VPS13A: variants seen among roughly 807,000 people sequenced by gnomAD.
VPS13A encodes the protein intermembrane lipid transfer protein VPS13A.
A neutral mutation model predicts 390.9 loss-of-function variants in VPS13A; 264 were observed. That is an observed-to-expected ratio of 0.68 (90% CI 0.61 to 0.75). VPS13A has a LOEUF of 0.75. Among genes scored for constraint, VPS13A ranks in the 30% least tolerant of loss-of-function variants. The pLI is 0.00. For synonymous variants in VPS13A, 1,231 were observed against 1,227.1 expected (o/e 1.00, Z -0.07); for missense variants, 3,409 against 3,733.9 (o/e 0.91, Z 2.27).
chr9:77,223,292 T>A (rs1363677651), intron 13 of VPS13A, among the ~76,000 whole-genome samples: 2 of 152,112 alleles, frequency 1.3e-5, no homozygotes, highest in Non-Finnish European at 2.9e-5. Context: ...TTAGGCCGAT[T>A]AATAGCCCTA....
intron 12 of VPS13A, 29 bp downstream of exon 12, chr9:77,220,412 A>C: frequency 1.7e-6 from 2 of 1,162,106 alleles, no homozygotes. Flanking sequence ...TTTTTTTTTT[A>C]GATTTTAAAA....
intron 35 of VPS13A, among the ~76,000 whole-genome samples, chr9:77,310,657 A>T (rs577344408): frequency 3.7e-4 from 56 of 152,350 alleles, no homozygotes; most frequent in Admixed American, 1.4e-3. Context: ...CACATGGAAT[A>T]CTTCTTATGT....
chr9:77,380,830 C>G (rs1306251991), intron 67 of VPS13A, among the ~76,000 whole-genome samples: 1 of 152,166 alleles, frequency 6.6e-6, no homozygotes, highest in Non-Finnish European at 1.5e-5. Flanking sequence ...ACCTAGATCC[C>G]TTGCATGTGC....
chr9:77,217,896 T>G (rs1822951429), intron 10 of VPS13A, among the ~76,000 whole-genome samples: 1 of 151,934 alleles, frequency 6.6e-6, no homozygotes, highest in South Asian at 2.1e-4. Flanking sequence ...ATCCATACTG[T>G]TTTCCACAGA....
intron 31 of VPS13A, among the ~76,000 whole-genome samples, chr9:77,284,482 G>A (rs1466152948): frequency 6.6e-6 from 1 of 152,122 alleles, no homozygotes; most frequent in Admixed American, 6.5e-5. Flanking sequence ...GTGACTCATA[G>A]CAATAAGGAA....
Position 77,281,878 on chromosome 9 carries a change from T to A in VPS13A, c.2916T>A (p.Asn972Lys). Reference protein sequence around the residue: ...LTLEYVKAEKNVPDLKSTYNN... With the variant: ...LTLEYVKAEKKVPDLKSTYNN... Reference sequence around the variant, plus strand: ...TTCTCTTTGGATAGGCTGAAAAGAATGTACCCGACTTGAAAAGTACCTATA... The same window carrying A: ...TTCTCTTTGGATAGGCTGAAAAGAAAGTACCCGACTTGAAAAGTACCTATA... The change falls in exon 28 of 72, where the codon AAT becomes AAA. Residue 972 changes from asparagine (N) to lysine (K), a missense_variant. Around this residue, in one of 5 missense-constraint regions of VPS13A, gnomAD observed 2,717 missense variants for 2,917.4 expected, o/e 0.93. Transcript: ENST00000360280. The A allele has an allele frequency of 6.2e-7, 1 of 1,603,428 alleles. No homozygotes were observed. The highest frequency in any genetic ancestry group is 1.7e-4 in the Middle Eastern group (1 of 6,032).
intron 33 of VPS13A, among the ~76,000 whole-genome samples, chr9:77,297,603 A>G (rs1397749617): frequency 6.6e-6 from 1 of 151,564 alleles, no homozygotes; most frequent in Non-Finnish European, 1.5e-5. Context: ...TGTTTCAAGC[A>G]GGAGTGTTAA....
intron 35 of VPS13A, among the ~76,000 whole-genome samples, chr9:77,313,448 T>C (rs1394001603): frequency 1.3e-5 from 2 of 152,332 alleles, no homozygotes; most frequent in Non-Finnish European, 2.9e-5. Flanking sequence ...GGCATAATGG[T>C]ACTTTTCTCT....
At chr9:77,336,353 TAAAAC>T (rs1424648257) in intron 46 of VPS13A, among the ~76,000 whole-genome samples, 1 of 151,040 alleles carries the variant, frequency 6.6e-6, no homozygotes, top group Non-Finnish European at 1.5e-5. Context: ...AAAGTATAAT[TAAAAC>T]AAAAACACTA....
In VPS13A at chr9:77,344,286, G is replaced by GT. The variant is rs747383490; in HGVS notation, c.7155+14dup. On this transcript the variant is annotated splice_donor_region_variant and intron_variant, in intron 51 of 71. Coordinates refer to ENST00000360280, the MANE Select transcript of VPS13A (RefSeq NM_033305.3). ...CTATTGCGTCTAGATAACGAGGTAA[G>GT]TTTTTTTTTCTTTTTTGCATGTGTC... The GT allele has an allele frequency of 2.7e-4, 429 of 1,600,410 alleles. 2 individuals are homozygous for GT. The highest frequency in any genetic ancestry group is 1.6e-3 in the Admixed American group (93 of 59,536).
intron 45 of VPS13A, among the ~76,000 whole-genome samples, chr9:77,330,207 G>A (rs1413852065): frequency 6.6e-6 from 1 of 151,862 alleles, no homozygotes; most frequent in Non-Finnish European, 1.5e-5. Context: ...GTAGAGACAG[G>A]GTCTCACTAT....
At chr9:77,410,577 CA>C (rs2131665493) in intron 71 of VPS13A, among the ~76,000 whole-genome samples, 2 of 151,938 alleles carry the variant, frequency 1.3e-5, no homozygotes, top group African/African-American at 4.8e-5. Context: ...CACATAGGCT[CA>C]AAATAAAGGG....
At chr9:77,281,300 T>C (rs1216460451) in intron 27 of VPS13A, among the ~76,000 whole-genome samples, 1 of 146,300 alleles carries the variant, frequency 6.8e-6, no homozygotes, top group African/African-American at 2.5e-5. Context: ...TTCAAATGTC[T>C]CACCACAAAG....
intron 34 of VPS13A, among the ~76,000 whole-genome samples, chr9:77,303,491 G>A (rs965471433): frequency 1.3e-5 from 2 of 152,166 alleles, no homozygotes; most frequent in Non-Finnish European, 2.9e-5. Flanking sequence ...ACTGAGAAAA[G>A]AAATAAGACA....
chr9:77,195,099 T>C (rs1824909883), intron 1 of VPS13A, among the ~76,000 whole-genome samples: 1 of 152,172 alleles, frequency 6.6e-6, no homozygotes, highest in Non-Finnish European at 1.5e-5. Flanking sequence ...TTTATAGTTT[T>C]CAGTTTTACA....
At chr9:77,321,060 A>G (rs1467301641) in intron 42 of VPS13A, 109 bp from the exon 43 acceptor site, 1 of 1,046,862 alleles carries the variant, frequency 9.6e-7, no homozygotes, top group African/African-American at 1.6e-5. Flanking sequence ...ACTTACTGAA[A>G]TTAGAAAAGA....
chr9:77,298,432 G>A (rs1828138400), intron 33 of VPS13A, among the ~76,000 whole-genome samples: 2 of 152,156 alleles, frequency 1.3e-5, no homozygotes, highest in South Asian at 4.1e-4. Flanking sequence ...AAGAGACGAA[G>A]TAGGAGCAGA....
chr9:77,325,240 C>T (rs1303311562), intron 45 of VPS13A, among the ~76,000 whole-genome samples: 1 of 152,072 alleles, frequency 6.6e-6, no homozygotes, highest in Admixed American at 6.6e-5. Context: ...GGAGGCAGAG[C>T]TCAGGTGGTA....
chr9:77,331,461 G>A (rs1830270592), intron 45 of VPS13A, among the ~76,000 whole-genome samples: 1 of 151,706 alleles, frequency 6.6e-6, no homozygotes, highest in South Asian at 2.1e-4. Flanking sequence ...TTGATTACTA[G>A]GAATGTCAAG....
Sources: gnomAD v4.1 joint callset for allele counts (sites outside exome capture counted in the v4.1 genomes callset) on GRCh38, gnomAD v4.1.1 for gene constraint, gnomAD v4.1.1 regional missense constraint, MANE v1.5 for transcripts, NCBI Gene and HGNC (gene_info 2026-07-23, HGNC 2026-07-21) for gene names.